The following SLTM variants were observed in gnomAD, a reference collection of about 807,000 sequenced individuals.
SLTM encodes the protein SAFB like transcription modulator, also known as SAFB-like transcription modulator.
A neutral mutation model predicts 134.6 loss-of-function variants in SLTM; 43 were observed. The observed-to-expected ratio is 0.32, with a 90% CI of 0.25 to 0.41. The LOEUF is 0.41. Among genes scored for constraint, SLTM ranks in the 10% least tolerant of loss-of-function variants. SLTM has a pLI of 1.00. For synonymous variants in SLTM, 424 were observed against 432.3 expected (o/e 0.98, Z 0.24); for missense variants, 1,055 against 1,288.8 (o/e 0.82, Z 2.78).
intron 16 of SLTM, 62 bp from the exon 17 acceptor site, chr15:58,888,617 C>A (rs766756176): frequency 1.3e-6 from 2 of 1,540,644 alleles, no homozygotes; most frequent in South Asian, 2.3e-5. Flanking sequence ...ACGACATTTA[C>A]TTGGAGTCAT....
At chr15:58,886,242 T>C (rs1409780440) in intron 19 of SLTM, among the ~76,000 whole-genome samples, 3 of 147,758 alleles carry the variant, frequency 2.0e-5, no homozygotes, top group African/African-American at 7.4e-5. Flanking sequence ...TGTGTGTGTG[T>C]GTGTGTGTGT....
intron 5 of SLTM, 44 bp from the exon 6 acceptor site, chr15:58,901,331 A>T (rs1412812210): frequency 3.9e-6 from 6 of 1,520,472 alleles, no homozygotes; most frequent in Non-Finnish European, 5.4e-6. Context: ...ATTCACATAA[A>T]ACTAGATTTT....
chr15:58,907,714 T>C (rs1182660939), intron 5 of SLTM, among the ~76,000 whole-genome samples: 1 of 152,204 alleles, frequency 6.6e-6, no homozygotes, highest in Non-Finnish European at 1.5e-5. Flanking sequence ...ATATTCAAGC[T>C]AGTAAAACAA....
chr15:58,928,465 A>C (rs2037637913), intron 2 of SLTM, among the ~76,000 whole-genome samples: 1 of 152,196 alleles, frequency 6.6e-6, no homozygotes, highest in South Asian at 2.1e-4. Context: ...CTACTCTATT[A>C]ACTACATGTA....
At chr15:58,921,771 CTTTT>C (rs557129334) in intron 2 of SLTM, among the ~76,000 whole-genome samples, 9 of 151,770 alleles carry the variant, frequency 5.9e-5, no homozygotes, top group Non-Finnish European at 1.5e-5. Flanking sequence ...TTGTTAACTT[CTTTT>C]TTTCTTTTTT....
chr15:58,883,551 A>G, intron 20 of SLTM, 75 bp downstream of exon 20: 2 of 1,576,630 alleles, frequency 1.3e-6, no homozygotes, highest in South Asian at 2.3e-5. Context: ...TCAGTCTCTC[A>G]GAAACTATAA....
chr15:58,923,311 T>C (rs768920621), intron 2 of SLTM, among the ~76,000 whole-genome samples: 2 of 152,142 alleles, frequency 1.3e-5, no homozygotes, highest in East Asian at 1.9e-4. Context: ...TGAGCCAAGA[T>C]TGTGCCACTC....
At chr15:58,903,709 A>G (rs1188229018) in intron 5 of SLTM, among the ~76,000 whole-genome samples, 1 of 144,394 alleles carries the variant, frequency 6.9e-6, no homozygotes. Context: ...TAAAAAGATT[A>G]AAATGGAAAA....
chr15:58,900,880 T>C (rs1269155425), intron 6 of SLTM: 2 of 177,614 alleles, frequency 1.1e-5, no homozygotes, highest in African/African-American at 4.8e-5. Context: ...TTAGGACTAG[T>C]TGTAAAATTC....
chr15:58,933,570 G>A lies in SLTM; in HGVS notation c.-5C>T. 6.3e-7 allele frequency: 1 copy of A among 1,581,518 alleles called. No individual in the cohort carries two copies. The highest frequency in any genetic ancestry group is 8.6e-7 in the Non-Finnish European group (1 of 1,165,888). On this transcript the variant is annotated 5_prime_UTR_variant, in exon 1 of 21. Transcript: ENST00000380516. ...CGCACCGGTAGCGGCAGCCATCTTAGAAGAGCAGCGCGCTGCCGAGGCAGC... is the reference window on the plus strand; with the variant it reads ...CGCACCGGTAGCGGCAGCCATCTTAAAAGAGCAGCGCGCTGCCGAGGCAGC...
intron 17 of SLTM, 97 bp from the exon 18 acceptor site, chr15:58,887,637 A>G: frequency 1.3e-6 from 2 of 1,499,276 alleles, no homozygotes; most frequent in Non-Finnish European, 1.8e-6. Flanking sequence ...TAATGAAACC[A>G]AAAAATGAAC....
chr15:58,929,516 A>T (rs1052302124), intron 2 of SLTM, among the ~76,000 whole-genome samples: 3 of 152,238 alleles, frequency 2.0e-5, no homozygotes, highest in Non-Finnish European at 2.9e-5. Context: ...CTTGGTTTTC[A>T]AATCTGTTCA....
intron 5 of SLTM, among the ~76,000 whole-genome samples, chr15:58,907,997 T>G (rs1215096901): frequency 1.4e-5 from 1 of 72,456 alleles, no homozygotes; most frequent in Non-Finnish European, 2.6e-5. Flanking sequence ...TATATAAACA[T>G]GCTGCGTGTG....
intron 10 of SLTM, 60 bp from the exon 11 acceptor site, chr15:58,894,253 G>A (rs1934700761): frequency 4.1e-6 from 6 of 1,468,376 alleles, no homozygotes; most frequent in Non-Finnish European, 5.6e-6. Flanking sequence ...GTGATTATAA[G>A]AAGTGTGCTA....
At chr15:58,916,286 G>C (rs1008825801) in intron 3 of SLTM, among the ~76,000 whole-genome samples, 2 of 150,358 alleles carry the variant, frequency 1.3e-5, no homozygotes, top group African/African-American at 4.9e-5. Flanking sequence ...CGATTCTCCT[G>C]CCTCAGCCTC....
chr15:58,901,312 G>A (rs755362805), intron 5 of SLTM, 25 bp from the exon 6 acceptor site: 3 of 1,584,642 alleles, frequency 1.9e-6, no homozygotes, highest in South Asian at 2.3e-5. Context: ...ATAATCAAAT[G>A]TAAAATGAAT....
intron 9 of SLTM, among the ~76,000 whole-genome samples, chr15:58,896,829 A>G (rs1291670410): frequency 6.6e-6 from 1 of 152,200 alleles, no homozygotes; most frequent in East Asian, 1.9e-4. Context: ...ATCCCAAGCT[A>G]CGTGCTACAA....
chr15:58,880,213 C>G, intron 20 of SLTM, 106 bp from the exon 21 acceptor site: 2 of 1,425,980 alleles, frequency 1.4e-6, no homozygotes, highest in Non-Finnish European at 9.3e-7. Flanking sequence ...ATCATTTACT[C>G]TTTTCAACAG....
At chr15:58,931,800 C>CT (rs1217477404) in intron 2 of SLTM, among the ~76,000 whole-genome samples, 7 of 152,050 alleles carry the variant, frequency 4.6e-5, no homozygotes, top group Non-Finnish European at 1.0e-4. Context: ...TAATTTAAAA[C>CT]TTTTTTAAGC....
Sources: allele counts gnomAD v4.1 joint callset (sites outside exome capture counted in the v4.1 genomes callset), GRCh38; gene constraint gnomAD v4.1.1; transcripts MANE v1.5; gene names NCBI Gene and HGNC (gene_info 2026-07-23, HGNC 2026-07-21).